Variants in NBEA observed in about 807,000 individuals in gnomAD.
The protein encoded by NBEA is neurobeachin.
In NBEA, 44 loss-of-function variants were observed where a neutral mutation model predicts 343.4. The ratio of observed to expected loss-of-function variants is 0.13; its 90% CI spans 0.10 to 0.16. The LOEUF (loss-of-function observed/expected upper bound fraction) is 0.16. NBEA is among the 10% of genes least tolerant of loss of function. NBEA has a pLI of 1.00. For synonymous variants in NBEA, 1,175 were observed against 1,238.7 expected (o/e 0.95, Z 1.08); for missense variants, 2,555 against 3,631.3 (o/e 0.70, Z 7.62).
chr13:35,133,209 A>T (rs970970775), intron 17 of NBEA, among the ~76,000 whole-genome samples: 1 of 152,174 alleles, frequency 6.6e-6, no homozygotes, highest in African/African-American at 2.4e-5. Flanking sequence ...ATAAACAGAC[A>T]ATTCACTGAA....
intron 38 of NBEA, among the ~76,000 whole-genome samples, chr13:35,414,965 G>A (rs1461033048): frequency 6.6e-6 from 1 of 152,110 alleles, no homozygotes; most frequent in Non-Finnish European, 1.5e-5. Context: ...GTTTTGATTT[G>A]CATTTCTCTG....
intron 34 of NBEA, among the ~76,000 whole-genome samples, chr13:35,272,642 A>C (rs893953728): frequency 5.9e-5 from 9 of 152,318 alleles, no homozygotes; most frequent in Middle Eastern, 3.4e-3. Context: ...ATAGGCTCAA[A>C]ATAAAGGGAT....
At chr13:35,371,295 T>A (rs73494548) in intron 38 of NBEA, among the ~76,000 whole-genome samples, 1,838 of 152,144 alleles carry the variant, frequency 0.012, 46 homozygotes, top group African/African-American at 0.042. Context: ...ATGAGGACTT[T>A]GTTTATTATA....
chr13:35,523,635 G>A (rs997635028), intron 41 of NBEA, among the ~76,000 whole-genome samples: 1 of 152,142 alleles, frequency 6.6e-6, no homozygotes, highest in African/African-American at 2.4e-5. Flanking sequence ...CCTGGGGGTT[G>A]TTTGACATCA....
intron 40 of NBEA, among the ~76,000 whole-genome samples, chr13:35,466,996 C>T (rs970216365): frequency 6.6e-6 from 1 of 151,954 alleles, no homozygotes; most frequent in South Asian, 2.1e-4. Context: ...TCTAGAACTT[C>T]CCCCCTCCAT....
chr13:35,375,536 A>G (rs1186599578), intron 38 of NBEA, among the ~76,000 whole-genome samples: 1 of 152,144 alleles, frequency 6.6e-6, no homozygotes, highest in East Asian at 1.9e-4. Context: ...CTGAATTATG[A>G]TTAAACATAC....
chr13:35,216,251 G>A (rs1223845167), intron 33 of NBEA, among the ~76,000 whole-genome samples: 2 of 151,420 alleles, frequency 1.3e-5, no homozygotes, highest in Admixed American at 6.6e-5. Flanking sequence ...ATATCTTAGA[G>A]TGGAAACTGA....
intron 41 of NBEA, among the ~76,000 whole-genome samples, chr13:35,491,357 G>C (rs2076492778): frequency 1.3e-5 from 2 of 151,840 alleles, no homozygotes; most frequent in Admixed American, 1.3e-4. Context: ...CTCTAGCCAA[G>C]ACCTCTCCCC....
intron 28 of NBEA, 72 bp downstream of exon 28, chr13:35,177,175 A>G: frequency 8.5e-7 from 1 of 1,179,712 alleles, no homozygotes; most frequent in Non-Finnish European, 1.2e-6. Context: ...GTTTTATAAG[A>G]AAGCTGCTTA....
At position 35,349,227 on chromosome 13, in the gene NBEA, G is replaced by C. The variant is rs1405272882; in HGVS notation, c.6012+11G>C. 1 of 1,500,212 alleles carries C rather than the reference G, an allele frequency of 6.7e-7. No individual in the cohort carries two copies. Among genetic ancestry groups the C allele is most frequent in the African/African-American group, 1.4e-5 (1 of 71,994 alleles). 92.9% of individuals were successfully genotyped at this position (1,500,212 alleles called of 1,614,324 possible). A position where few individuals can be genotyped will look rare whatever the true frequency, so the allele number is the denominator to read the frequency against. The stretch of plus-strand genomic sequence containing the variant: ...CATGCAGAGTTTGAGGTAAGGTTTT[G>C]GGAGTAGACTAAATTCTGCCTTTCT... On this transcript the variant is annotated intron_variant, in intron 37 of 58. Transcript: ENST00000379939.
intron 34 of NBEA, among the ~76,000 whole-genome samples, chr13:35,245,560 A>C (rs2031058498): frequency 6.6e-6 from 1 of 152,186 alleles, no homozygotes; most frequent in African/African-American, 2.4e-5. Context: ...GTTTCTCTGG[A>C]TACAAAATTC....
At chr13:35,418,068 C>T (rs2044042354) in intron 38 of NBEA, among the ~76,000 whole-genome samples, 1 of 152,064 alleles carries the variant, frequency 6.6e-6, no homozygotes, top group Non-Finnish European at 1.5e-5. Flanking sequence ...GCAACCCCTG[C>T]TTTGTTTTGT....
rs748153513 is a variant in NBEA, at chr13:35,432,327, C to A, written c.6238C>A (p.Arg2080=). The A allele has an allele frequency of 1.9e-6, 3 of 1,608,362 alleles. No individual in the cohort carries two copies. Among genetic ancestry groups the A allele is most frequent in the Non-Finnish European group, 8.5e-7 (1 of 1,177,076 alleles). Residue 2080 remains arginine (R), a synonymous_variant, in exon 39 of 59, where the codon CGA becomes AGA. Coordinates refer to ENST00000379939, the MANE Select transcript of NBEA (RefSeq NM_001385012.1). ...GGAAGATGATCTTCGTCGAAGGAGA[C>A]GATTTGTTCGCAATGCATTTGGCTC... The part of the protein sequence containing the change: ...YWEDDLRRRR[R]FVRNAFGSTH...
chr13:35,319,590 C>G (rs2037994112), intron 36 of NBEA, among the ~76,000 whole-genome samples: 1 of 152,048 alleles, frequency 6.6e-6, no homozygotes, highest in Admixed American at 6.6e-5. Context: ...TTGGAGAGTT[C>G]TGTAGATGTC....
chr13:35,663,638 A>C (rs893833619), intron 55 of NBEA, among the ~76,000 whole-genome samples: 1 of 152,320 alleles, frequency 6.6e-6, no homozygotes, highest in South Asian at 2.1e-4. Context: ...ATCAATGCTT[A>C]AAGCTTATTT....
At chr13:34,999,605 T>TA (rs1304027587) in intron 1 of NBEA, among the ~76,000 whole-genome samples, 61 of 152,234 alleles carry the variant, frequency 4.0e-4, no homozygotes, top group African/African-American at 9.6e-4. Flanking sequence ...GTGATTTTTT[T>TA]TAAAAAAATA....
At chr13:35,003,148 A>G (rs1051049566) in intron 1 of NBEA, among the ~76,000 whole-genome samples, 3 of 152,186 alleles carry the variant, frequency 2.0e-5, no homozygotes, top group African/African-American at 7.2e-5. Flanking sequence ...AAAAAGTTGG[A>G]TATATTAATA....
At chr13:35,277,307 A>G (rs1299704455) in intron 34 of NBEA, among the ~76,000 whole-genome samples, 2 of 152,074 alleles carry the variant, frequency 1.3e-5, no homozygotes, top group East Asian at 1.9e-4. Context: ...AGAAAAACTC[A>G]TATTTGTTCA....
intron 34 of NBEA, among the ~76,000 whole-genome samples, chr13:35,275,693 AG>A (rs1432289276): frequency 2.0e-5 from 3 of 152,234 alleles, no homozygotes; most frequent in Admixed American, 6.5e-5. Context: ...AAGTGGCCAA[AG>A]GATATCAACA....
Sources: allele counts gnomAD v4.1 joint callset (sites outside exome capture counted in the v4.1 genomes callset), GRCh38; gene constraint gnomAD v4.1.1; transcripts MANE v1.5; gene names NCBI Gene and HGNC (gene_info 2026-07-23, HGNC 2026-07-21).